The following MIER2 variants were observed in gnomAD, a reference collection of about 807,000 sequenced individuals.
MIER2 encodes the protein MIER family member 2.
MIER2 carries 30 observed loss-of-function variants against 67.6 expected under a neutral mutation model. That is an observed-to-expected ratio of 0.44 (90% CI 0.33 to 0.60). The LOEUF is 0.60. MIER2 is among the 20% of genes least tolerant of loss of function. The pLI, the probability that MIER2 is intolerant of heterozygous loss-of-function variation, is 0.02. For missense variants in MIER2, 702 were observed against 745.1 expected (o/e 0.94, Z 0.67); for synonymous variants, 372 against 312.6 (o/e 1.19, Z -2.00).
intron 3 of MIER2, among the ~76,000 whole-genome samples, chr19:328,832 T>C (rs762871464): frequency 4.6e-5 from 7 of 152,170 alleles, no homozygotes; most frequent in Non-Finnish European, 1.0e-4. Flanking sequence ...CAGTCAAAAA[T>C]GGGTAACCAG....
rs2305114 is a variant in MIER2, at chr19:327,999, G to A, written c.244-10C>T. 748 of 1,612,850 alleles carry A rather than the reference G, an allele frequency of 4.6e-4. 9 individuals are homozygous for A. The East Asian group carries it at 0.016, about 35-fold the overall frequency. On this transcript the variant is annotated splice_polypyrimidine_tract_variant and intron_variant, in intron 3 of 13. Transcript: ENST00000264819. ...AGGGCATGTCGTTGCTCTGAGTTGG[G>A]GAAGGGAACAAGGCCCCATCAGGAG...
intron 7 of MIER2, among the ~76,000 whole-genome samples, chr19:319,447 C>T (rs1194374496): frequency 6.6e-6 from 1 of 152,148 alleles, no homozygotes; most frequent in Non-Finnish European, 1.5e-5. Flanking sequence ...AAGAGTAATA[C>T]AATTGATAAA....
rs773980643 is a variant in MIER2, at chr19:327,141, C to A, written c.485G>T (p.Arg162Leu). ...GGGACAGAGTCACCTACATCCACTC[C>A]GGTTAGGGAAGAGGTCGGAGGCCTC... ...SHEASDLFPN[R>L]SGSRFLADED... Residue 162 changes from arginine (R) to leucine (L), a missense_variant, in exon 5 of 14, where the codon CGG becomes CTG. This residue lies in a region of MIER2 where 320 missense variants were observed against 292.6 expected (regional missense o/e 1.09). Transcript: ENST00000264819. The A allele has an allele frequency of 5.1e-6, 8 of 1,581,994 alleles. No homozygotes were observed. The South Asian group carries it at 7.0e-5, about 14-fold the overall frequency.
At chr19:311,208 A>G (rs1443883572) in intron 10 of MIER2, among the ~76,000 whole-genome samples, 1 of 152,240 alleles carries the variant, frequency 6.6e-6, no homozygotes, top group Non-Finnish European at 1.5e-5. Context: ...GCGTGGACAG[A>G]GGCGGAGAAG....
intron 7 of MIER2, among the ~76,000 whole-genome samples, chr19:322,366 A>C (rs1218365213): frequency 6.6e-6 from 1 of 152,198 alleles, no homozygotes; most frequent in Admixed American, 6.5e-5. Context: ...TCAAATAATG[A>C]TTGATAAGTT....
At chr19:341,952 A>T (rs1002785525) in intron 1 of MIER2, among the ~76,000 whole-genome samples, 11 of 152,146 alleles carry the variant, frequency 7.2e-5, no homozygotes, top group Admixed American at 2.0e-4. Context: ...CCACAGGTAT[A>T]GAGTGCACCA....
At chr19:335,390 AGAGT>A (rs751910059) in intron 2 of MIER2, among the ~76,000 whole-genome samples, 7 of 152,222 alleles carry the variant, frequency 4.6e-5, no homozygotes, top group African/African-American at 1.2e-4. Context: ...GCACCTCGTT[AGAGT>A]GAGGGAATGA....
At chr19:339,188 G>A (rs1004736062) in intron 1 of MIER2, among the ~76,000 whole-genome samples, 1 of 151,262 alleles carries the variant, frequency 6.6e-6, no homozygotes, top group Non-Finnish European at 1.5e-5. Flanking sequence ...GAGAATAGGA[G>A]AAAATATCTG....
At chr19:309,226 T>TC (rs1970808673) in intron 10 of MIER2, among the ~76,000 whole-genome samples, 1 of 151,790 alleles carries the variant, frequency 6.6e-6, no homozygotes, top group Non-Finnish European at 1.5e-5. Flanking sequence ...AAACGTACCC[T>TC]CCAGGCCTCT....
chr19:324,962 C>T (rs187996650), intron 7 of MIER2, among the ~76,000 whole-genome samples: 1 of 152,370 alleles, frequency 6.6e-6, no homozygotes, highest in Non-Finnish European at 1.5e-5. Flanking sequence ...AGGACGACTT[C>T]TCTTCACGGA....
Position 336,146 on chromosome 19 carries a change from G to C in MIER2, c.37C>G (p.Arg13Gly). ...EASSLGRQSP[R>G]VVSCLEHSLC... ...CTGTGCTCGAGGCAGGAGACCACGC[G>C]AGGACTCTGCCTCCCCAGCGAGGAG... The change falls in exon 2 of 14, where the codon CGC (arginine) becomes GGC (glycine). Residue 13 changes from arginine (R) to glycine (G), a missense_variant. By Grantham distance (125) the Arg-to-Gly change is moderately radical. Coordinates refer to ENST00000264819, the MANE Select transcript of MIER2 (RefSeq NM_017550.3). 6.2e-7 allele frequency: 1 copy of C among 1,613,456 alleles called. No individual in the cohort carries two copies.
At chr19:327,027 T>G in intron 5 of MIER2, 106 bp downstream of exon 5, 1 of 1,433,734 alleles carries the variant, frequency 7.0e-7, no homozygotes, top group South Asian at 1.5e-5. Context: ...CGCCCTCATC[T>G]GTGATGAGTT....
intron 2 of MIER2, 31 bp from the exon 3 acceptor site, chr19:334,573 C>A: frequency 6.2e-7 from 1 of 1,605,536 alleles, no homozygotes; most frequent in Non-Finnish European, 8.5e-7. Flanking sequence ...CAGGTGAGCA[C>A]CGTGCCTCGC....
rs547260695 is a variant in MIER2 at position 310,089 on chromosome 19, G to C, written c.985-1164C>G. Among the ~76,000 whole-genome samples, 30 of 148,414 alleles carry C rather than the reference G, an allele frequency of 2.0e-4. 4 individuals are homozygous for C. Among genetic ancestry groups the C allele is most frequent in the African/African-American group, 7.4e-4 (29 of 39,318 alleles). On this transcript the variant is annotated intron_variant, in intron 10 of 13. Transcript: ENST00000264819. ...TCAGGGACACGAGAAGGGACACACA[G>C]CAAGTGTGTTCCATGTGGCACCTGG...
chr19:322,335 A>AAC (rs923033326), intron 7 of MIER2, among the ~76,000 whole-genome samples: 10 of 152,270 alleles, frequency 6.6e-5, no homozygotes, highest in African/African-American at 2.4e-4. Flanking sequence ...CCTTAAGTAG[A>AAC]ACACACACAC....
At chr19:336,231 C>A in intron 1 of MIER2, 58 bp from the exon 2 acceptor site, 1 of 1,411,456 alleles carries the variant, frequency 7.1e-7, no homozygotes, top group Non-Finnish European at 9.9e-7. Flanking sequence ...TGCTGGACAT[C>A]ACAGTGTGGC....
intron 7 of MIER2, among the ~76,000 whole-genome samples, chr19:320,672 CCTT>C (rs1359235084): frequency 6.6e-6 from 1 of 152,176 alleles, no homozygotes; most frequent in Non-Finnish European, 1.5e-5. Context: ...GCAGCACACT[CCTT>C]ATGAGAATCT....
At position 336,103 on chromosome 19, in the gene MIER2, G is replaced by A. The variant is rs774072192; in HGVS notation, c.80C>T (p.Pro27Leu). ...CLEHSLCPGE[P>L]GLQTTAVVSM... ...GGTACCTGCTGTTGTCTGCAAGCCCGGCTCCCCTGGGCACAGGCTGTGCTC... is the reference window on the plus strand; with the variant it reads ...GGTACCTGCTGTTGTCTGCAAGCCCAGCTCCCCTGGGCACAGGCTGTGCTC... Residue 27 changes from proline to leucine, a missense_variant, in exon 2 of 14, where the codon CCG becomes CTG. By Grantham distance (98) the Pro-to-Leu change is moderately conservative. This residue lies in a region of MIER2 where 320 missense variants were observed against 292.6 expected (regional missense o/e 1.09). Coordinates refer to ENST00000264819, the MANE Select transcript of MIER2 (RefSeq NM_017550.3). 1.2e-5 allele frequency: 19 copies of A among 1,613,706 alleles called. No homozygotes were observed. The highest frequency in any genetic ancestry group is 2.2e-5 in the East Asian group (1 of 44,878).
Position 305,860 on chromosome 19 carries a change from G to A in MIER2, c.*830C>T, listed in dbSNP as rs1020626804. 3.3e-5 allele frequency: 5 copies of A among 152,486 alleles called. No individual in the cohort carries two copies. The highest frequency in any genetic ancestry group is 2.6e-4 in the Admixed American group (4 of 15,292). The allele number at this position is 152,486 out of a possible 1,614,324, so 9.4% of individuals were successfully genotyped here. A position where few individuals can be genotyped will look rare whatever the true frequency, so the allele number is the denominator to read the frequency against. On this transcript the variant is annotated 3_prime_UTR_variant, in exon 14 of 14. Transcript: ENST00000264819. ...GCTTCCCACAGAAGGAAGACCTGCAGGGCTGGGGAAACAGGCTGGAGTCTG... is the reference window on the plus strand; with the variant it reads ...GCTTCCCACAGAAGGAAGACCTGCAAGGCTGGGGAAACAGGCTGGAGTCTG...
Sources: allele counts gnomAD v4.1 joint callset (sites outside exome capture counted in the v4.1 genomes callset), GRCh38; gene constraint gnomAD v4.1.1; regional missense constraint gnomAD v4.1.1; transcripts MANE v1.5; gene names NCBI Gene and HGNC (gene_info 2026-07-23, HGNC 2026-07-21).